COBLL1: variants seen among roughly 807,000 people sequenced by gnomAD.
COBLL1 encodes the protein cordon-bleu protein-like 1.
In COBLL1, 50 loss-of-function variants were observed where a neutral mutation model predicts 94.8. The ratio of observed to expected loss-of-function variants is 0.53; its 90% confidence interval spans 0.42 to 0.67. The LOEUF (loss-of-function observed/expected upper bound fraction) is 0.67, where lower values mean the gene tolerates loss of function less well. Among genes scored for constraint, COBLL1 ranks in the 30% least tolerant of loss-of-function variants. The probability of loss-of-function intolerance (pLI) is 0.00; values close to 1 mark genes in which losing one functional copy is unlikely to be tolerated. For synonymous variants in COBLL1, 448 were observed against 473.8 expected, an observed-to-expected ratio of 0.95 and a Z score of 0.71; for missense variants, 1,362 against 1,348.7, an observed-to-expected ratio of 1.01 and a Z score of -0.15.
intron 2 of COBLL1, among the ~76,000 whole-genome samples, chr2:164,796,355 A>G (rs1383418460): frequency 3.3e-5 from 5 of 152,198 alleles, no homozygotes; most frequent in Non-Finnish European, 5.9e-5. Flanking sequence ...GGACATAACT[A>G]AGATGAAAAT....
chr2:164,827,428 C>T (rs536630607), intron 2 of COBLL1, among the ~76,000 whole-genome samples: 4 of 152,202 alleles, frequency 2.6e-5, no homozygotes, highest in East Asian at 3.9e-4. Flanking sequence ...CAAAAAACAC[C>T]GGGAAGAAAG....
chr2:164,680,050 G>A (rs1364260891), downstream of COBLL1: 2 of 151,942 alleles, frequency 1.3e-5, no homozygotes, highest in Admixed American at 1.3e-4. Context: ...CTAATAGTGA[G>A]ATGCTTTTGC....
chr2:164,716,879 A>G (rs1208554240), intron 7 of COBLL1, among the ~76,000 whole-genome samples: 1 of 152,190 alleles, frequency 6.6e-6, no homozygotes, highest in Non-Finnish European at 1.5e-5. Flanking sequence ...CAAAAAATAT[A>G]AAATAAATGT....
At chr2:164,818,284 ATATG>A (rs1339800378) in intron 2 of COBLL1, among the ~76,000 whole-genome samples, 5 of 146,960 alleles carry the variant, frequency 3.4e-5, no homozygotes, top group South Asian at 4.2e-4. Context: ...ATGTATACAT[ATATG>A]TATGTATACA....
At chr2:164,814,251 C>T (rs1447727277) in intron 2 of COBLL1, among the ~76,000 whole-genome samples, 1 of 152,140 alleles carries the variant, frequency 6.6e-6, no homozygotes, top group East Asian at 1.9e-4. Context: ...TAGTATCTCT[C>T]ACACACAGAC....
chr2:164,795,600 A>G (rs933357526), intron 2 of COBLL1, among the ~76,000 whole-genome samples: 1 of 152,116 alleles, frequency 6.6e-6, no homozygotes, highest in African/African-American at 2.4e-5. Context: ...TACAGGCTTT[A>G]AAAGTCTACA....
intron 7 of COBLL1, among the ~76,000 whole-genome samples, chr2:164,707,347 G>A (rs902341058): frequency 6.6e-6 from 1 of 152,018 alleles, no homozygotes; most frequent in Non-Finnish European, 1.5e-5. Context: ...CACCATGTTG[G>A]CTAGGCTGCT....
At chr2:164,706,004 A>G (rs936399453) in intron 7 of COBLL1, among the ~76,000 whole-genome samples, 2 of 152,210 alleles carry the variant, frequency 1.3e-5, no homozygotes, top group African/African-American at 4.8e-5. Context: ...ATTGCACTCG[A>G]GCCTGGGCGA....
In COBLL1 at chr2:164,680,575, T is replaced by G. The variant is rs1682991577; in HGVS notation, c.*5371A>C. 1 of 152,184 alleles carries G rather than the reference T, an allele frequency of 6.6e-6. No individual in the cohort carries two copies. Among genetic ancestry groups the G allele is most frequent in the Admixed American group, 6.6e-5 (1 of 15,258 alleles). 9.4% of individuals were successfully genotyped at this position (152,184 alleles called of 1,614,324 possible). On this transcript the variant is annotated 3_prime_UTR_variant, in exon 14 of 14. Transcript: ENST00000652658. ...AGGGAGTCCTGGGCCTGCTCACTTC[T>G]ATTACTCATATGGCAGATTCTGCTT...
chr2:164,667,778 C>T (rs1326028901), intron 1 of COBLL1, among the ~76,000 whole-genome samples: 1 of 152,142 alleles, frequency 6.6e-6, no homozygotes, highest in East Asian at 1.9e-4. Context: ...GTTGTGGCTG[C>T]TTTGATCTTC....
intron 2 of COBLL1, among the ~76,000 whole-genome samples, chr2:164,746,384 G>C (rs1430633508): frequency 6.6e-6 from 1 of 152,030 alleles, no homozygotes; most frequent in African/African-American, 2.4e-5. Context: ...GGAAAAATAA[G>C]TCAATAAAAT....
chr2:164,692,411 T>C lies in COBLL1; in HGVS notation c.3124-14A>G, dbSNP rs143642395. 18 of 1,582,048 alleles carry C rather than the reference T, an allele frequency of 1.1e-5. No individual in the cohort carries two copies. Among genetic ancestry groups the C allele is most frequent in the East Asian group, 9.0e-5 (4 of 44,458 alleles). On this transcript the variant is annotated splice_polypyrimidine_tract_variant and intron_variant, in intron 12 of 13. Transcript: ENST00000652658. The stretch of plus-strand genomic sequence containing the variant: ...AGAGTTATTTTCCTACAAAAATAAA[T>C]GTGAAATATTTATATGAATGCCAAG...
At chr2:164,687,571 G>C (rs1683366405) in intron 13 of COBLL1, 1 of 1,211,920 alleles carries the variant, frequency 8.3e-7, no homozygotes, top group Non-Finnish European at 1.2e-6. Context: ...TTTTCCAAAG[G>C]CACCTCGCAT....
chr2:164,671,522 G>T (rs1691241022), intron 1 of COBLL1, among the ~76,000 whole-genome samples: 1 of 152,026 alleles, frequency 6.6e-6, no homozygotes, highest in South Asian at 2.1e-4. Flanking sequence ...TCTCCTCTGA[G>T]GTCTCTGGAA....
intron 2 of COBLL1, among the ~76,000 whole-genome samples, chr2:164,664,118 G>C (rs1312242607): frequency 6.6e-6 from 1 of 152,220 alleles, no homozygotes; most frequent in Non-Finnish European, 1.5e-5. Flanking sequence ...ATAATGCAGA[G>C]AGGGTAAGGT....
At chr2:164,800,614 A>T (rs1238888145) in intron 2 of COBLL1, 1 of 698,400 alleles carries the variant, frequency 1.4e-6, no homozygotes, top group African/African-American at 1.8e-5. Context: ...CTGTACTTGA[A>T]TGTTCTATTC....
chr2:164,699,961 G>A (rs1684162604), intron 10 of COBLL1, among the ~76,000 whole-genome samples: 2 of 151,852 alleles, frequency 1.3e-5, no homozygotes, highest in Admixed American at 1.3e-4. Context: ...TATAATAAAC[G>A]TCTGACATAT....
At chr2:164,772,163 A>G (rs1688237549) in intron 2 of COBLL1, 1 of 151,988 alleles carries the variant, frequency 6.6e-6, no homozygotes, top group Non-Finnish European at 1.5e-5. Flanking sequence ...TAGCAGCAAT[A>G]AACCAGTGAC....
intron 2 of COBLL1, among the ~76,000 whole-genome samples, chr2:164,833,465 T>TTC (rs766460367): frequency 2.7e-4 from 41 of 150,384 alleles, no homozygotes; most frequent in Admixed American, 4.0e-4. Flanking sequence ...TTTTTTTTTT[T>TTC]CCTGAGACGG....
Sources: allele counts gnomAD v4.1 joint callset (sites outside exome capture counted in the v4.1 genomes callset), GRCh38; gene constraint gnomAD v4.1.1; transcripts MANE v1.5; gene names NCBI Gene and HGNC (gene_info 2026-07-23, HGNC 2026-07-21).